Variants in KAZN observed in about 807,000 individuals in gnomAD.
KAZN encodes the protein kazrin.
A neutral mutation model predicts 87.4 loss-of-function variants in KAZN; 40 were observed. The observed-to-expected ratio is 0.46, with a 90% confidence interval of 0.36 to 0.60. The LOEUF is 0.60. Ranked by LOEUF, KAZN falls within the 20% of genes least tolerant of loss-of-function variation. KAZN has a pLI of 0.00. For synonymous variants in KAZN, 466 were observed against 458.3 expected (o/e 1.02, Z -0.22); for missense variants, 898 against 1,073.9 (o/e 0.84, Z 2.29).
chr1:14,186,636 C>A (rs987178849), intron 2 of KAZN, among the ~76,000 whole-genome samples: 1 of 152,158 alleles, frequency 6.6e-6, no homozygotes, highest in African/African-American at 2.4e-5. Flanking sequence ...CTCTCTTTGA[C>A]CGTGGGCAGG....
intron 2 of KAZN, among the ~76,000 whole-genome samples, chr1:14,461,757 A>G (rs1667864986): frequency 6.6e-6 from 1 of 152,138 alleles, no homozygotes; most frequent in African/African-American, 2.4e-5. Flanking sequence ...ACCTTGCCCT[A>G]GAAGTCACCA....
intron 1 of KAZN, among the ~76,000 whole-genome samples, chr1:14,821,157 G>T (rs1646727006): frequency 6.6e-6 from 1 of 152,146 alleles, no homozygotes; most frequent in African/African-American, 2.4e-5. Context: ...GGGCTTAGTT[G>T]TATCCTCTTA....
chr1:14,415,773 C>G (rs1164808081), intron 2 of KAZN, among the ~76,000 whole-genome samples: 1 of 152,128 alleles, frequency 6.6e-6, no homozygotes, highest in Non-Finnish European at 1.5e-5. Flanking sequence ...TGACTCCCTT[C>G]CCTACTTCCC....
chr1:14,323,405 C>T (rs1387056677), intron 2 of KAZN, among the ~76,000 whole-genome samples: 1 of 151,960 alleles, frequency 6.6e-6, no homozygotes, highest in Non-Finnish European at 1.5e-5. Context: ...AATCATTTAC[C>T]TTCTTTCTTA....
At chr1:13,914,004 G>A (rs997057618) in intron 1 of KAZN, among the ~76,000 whole-genome samples, 3 of 152,220 alleles carry the variant, frequency 2.0e-5, no homozygotes, top group African/African-American at 7.2e-5. Flanking sequence ...GAGACTCTGG[G>A]GGTGAGGCCC....
At chr1:13,948,828 A>G (rs933138196) in intron 1 of KAZN, among the ~76,000 whole-genome samples, 1 of 152,138 alleles carries the variant, frequency 6.6e-6, no homozygotes, top group Non-Finnish European at 1.5e-5. Flanking sequence ...TTCAGGAATG[A>G]AAATATGGCT....
intron 1 of KAZN, among the ~76,000 whole-genome samples, chr1:14,055,978 C>T (rs1160895536): frequency 6.6e-6 from 1 of 152,176 alleles, no homozygotes; most frequent in African/African-American, 2.4e-5. Flanking sequence ...AGCTAGCCTA[C>T]CCTCTACCCC....
chr1:14,273,266 C>T (rs1425215054), intron 2 of KAZN, among the ~76,000 whole-genome samples: 4 of 151,844 alleles, frequency 2.6e-5, no homozygotes, highest in South Asian at 2.1e-4. Context: ...AGAAATGAAA[C>T]GGAAAGGTAT....
At chr1:14,595,395 C>T (rs368007434), upstream of KAZN, among the ~76,000 whole-genome samples, 1 of 152,018 alleles carries the variant, frequency 6.6e-6, no homozygotes, top group Non-Finnish European at 1.5e-5. Context: ...AACGTAGACC[C>T]GGCCGAGCGC....
chr1:14,788,944 C>T (rs78206106), intron 1 of KAZN, among the ~76,000 whole-genome samples: 49 of 152,242 alleles, frequency 3.2e-4, no homozygotes, highest in Admixed American at 1.3e-3. Context: ...AATTTACAAA[C>T]GCAGTTACCT....
chr1:14,756,886 C>T (rs1283755321), intron 1 of KAZN, among the ~76,000 whole-genome samples: 1 of 152,174 alleles, frequency 6.6e-6, no homozygotes, highest in African/African-American at 2.4e-5. Flanking sequence ...CAGAACAAAA[C>T]CTTTTGTATT....
At chr1:15,028,323 G>C (rs948894993) in intron 2 of KAZN, among the ~76,000 whole-genome samples, 13 of 152,252 alleles carry the variant, frequency 8.5e-5, no homozygotes, top group African/African-American at 3.1e-4. Context: ...TTGGCTGCTG[G>C]AATAGGACCC....
At chr1:14,544,139 A>T (rs1405312119) in intron 2 of KAZN, among the ~76,000 whole-genome samples, 1 of 152,118 alleles carries the variant, frequency 6.6e-6, no homozygotes, top group African/African-American at 2.4e-5. Flanking sequence ...TTTAAAGAAA[A>T]ATCTCATTAT....
chr1:13,941,563 A>T (rs1269381109), intron 1 of KAZN, among the ~76,000 whole-genome samples: 1 of 152,152 alleles, frequency 6.6e-6, no homozygotes, highest in African/African-American at 2.4e-5. Flanking sequence ...GGATTGGTGG[A>T]TTCTGTCCCA....
chr1:14,609,367 T>C (rs1677632070), intron 1 of KAZN, among the ~76,000 whole-genome samples: 1 of 152,174 alleles, frequency 6.6e-6, no homozygotes, highest in Non-Finnish European at 1.5e-5. Context: ...TAAGTTTTAA[T>C]GGAAGTCCTG....
At chr1:13,976,023 C>G (rs1638341763) in intron 1 of KAZN, among the ~76,000 whole-genome samples, 1 of 152,134 alleles carries the variant, frequency 6.6e-6, no homozygotes, top group Admixed American at 6.5e-5. Context: ...ATTCAGATGC[C>G]TGGGTGATTT....
chr1:14,488,835 G>A (rs1050269396), intron 2 of KAZN, among the ~76,000 whole-genome samples: 3 of 152,224 alleles, frequency 2.0e-5, no homozygotes, highest in Admixed American at 6.5e-5. Context: ...CCTTGGCCCC[G>A]TGCGCCATGT....
At chr1:14,970,502 T>C (rs1474889637) in intron 2 of KAZN, among the ~76,000 whole-genome samples, 1 of 152,246 alleles carries the variant, frequency 6.6e-6, no homozygotes, top group Non-Finnish European at 1.5e-5. Flanking sequence ...CCTTTGCTTT[T>C]TATGCAGTAA....
chr1:14,505,406 T>C (rs558864232), intron 2 of KAZN, among the ~76,000 whole-genome samples: 1 of 152,294 alleles, frequency 6.6e-6, no homozygotes, highest in Non-Finnish European at 1.5e-5. Flanking sequence ...TGACATGTGA[T>C]ATCATCCACA....
Sources: gnomAD v4.1 joint callset for allele counts (sites outside exome capture counted in the v4.1 genomes callset) on GRCh38, gnomAD v4.1.1 for gene constraint, MANE v1.5 for transcripts, NCBI Gene and HGNC (gene_info 2026-07-23, HGNC 2026-07-21) for gene names.